HPSE2: variants seen among roughly 807,000 people sequenced by gnomAD.
The protein encoded by HPSE2 is inactive heparanase-2.
In HPSE2, 38 loss-of-function variants were observed where a neutral mutation model predicts 60.5. The ratio of observed to expected loss-of-function variants is 0.63; its 90% CI spans 0.48 to 0.82. The LOEUF (loss-of-function observed/expected upper bound fraction) is 0.82. HPSE2 is among the 40% of genes least tolerant of loss of function. HPSE2 has a pLI of 0.00. For missense variants in HPSE2, 713 were observed against 740.4 expected, an observed-to-expected ratio of 0.96 and a Z score of 0.43; for synonymous variants, 295 against 293.2, an observed-to-expected ratio of 1.01 and a Z score of -0.06.
At chr10:99,161,324 C>T (rs527317254) in intron 2 of HPSE2, among the ~76,000 whole-genome samples, 1 of 151,032 alleles carries the variant, frequency 6.6e-6, no homozygotes, top group South Asian at 2.1e-4. Flanking sequence ...AATGGATAAA[C>T]AAAATGTGGC....
intron 3 of HPSE2, among the ~76,000 whole-genome samples, chr10:99,082,815 C>G (rs1170731681): frequency 3.3e-5 from 5 of 151,978 alleles, no homozygotes; most frequent in Non-Finnish European, 2.9e-5. Context: ...TCATATTTAC[C>G]CAGACCCTAA....
At chr10:99,270,417 C>T in the HPSE2 span, among the ~76,000 whole-genome samples, 3 of 152,078 alleles carry the variant, frequency 2.0e-5, no homozygotes, top group Non-Finnish European at 2.9e-5. Flanking sequence ...TGGAAATATG[C>T]AATCCTCCTA....
chr10:98,968,715 G>C (rs1589440796), intron 3 of HPSE2, among the ~76,000 whole-genome samples: 1 of 152,106 alleles, frequency 6.6e-6, no homozygotes, highest in Non-Finnish European at 1.5e-5. Flanking sequence ...TGGAGCTGGA[G>C]GTTGTTGTTC....
At chr10:98,849,105 G>T (rs1952104815) in intron 3 of HPSE2, among the ~76,000 whole-genome samples, 1 of 151,746 alleles carries the variant, frequency 6.6e-6, no homozygotes, top group Admixed American at 6.6e-5. Flanking sequence ...TTAAAATGAA[G>T]AAACTGAAGT....
chr10:98,644,956 A>G (rs928921513), intron 6 of HPSE2, among the ~76,000 whole-genome samples: 2 of 152,172 alleles, frequency 1.3e-5, no homozygotes, highest in African/African-American at 4.8e-5. Context: ...AAACCAATAA[A>G]TAAAGTTATT....
Position 98,742,981 on chromosome 10 carries a change from T to C in HPSE2, c.784+902A>G, listed in dbSNP as rs567963402. Among the ~76,000 whole-genome samples the C allele has an allele frequency of 1.1e-3, 164 of 146,742 alleles. 3 individuals are homozygous for C. The highest frequency in any genetic ancestry group is 3.8e-3 in the African/African-American group (153 of 40,044). ...TTTTTTTCCTTTTCTTTTCTTTTTT[T>C]TTTTTTTTTTTGAGATGGAGTCTTG... On this transcript the variant is annotated intron_variant, in intron 4 of 11. Coordinates refer to ENST00000370552, the MANE Select transcript of HPSE2 (RefSeq NM_021828.5).
intron 2 of HPSE2, among the ~76,000 whole-genome samples, chr10:99,189,033 T>C (rs868616074): frequency 1.3e-4 from 20 of 152,188 alleles, no homozygotes; most frequent in African/African-American, 4.8e-4. Context: ...AACTGTGGAG[T>C]GGCTGACCCA....
chr10:98,950,737 T>C (rs1955332980), intron 3 of HPSE2, among the ~76,000 whole-genome samples: 1 of 152,182 alleles, frequency 6.6e-6, no homozygotes, highest in Non-Finnish European at 1.5e-5. Flanking sequence ...GTTCACTCAA[T>C]AAACAAATCA....
At chr10:98,948,053 G>A (rs1037409010) in intron 3 of HPSE2, among the ~76,000 whole-genome samples, 3 of 152,058 alleles carry the variant, frequency 2.0e-5, no homozygotes, top group Admixed American at 6.6e-5. Flanking sequence ...GTCATTACAC[G>A]TAATACTACA....
intron 9 of HPSE2, among the ~76,000 whole-genome samples, chr10:98,491,119 T>C (rs1941628276): frequency 6.6e-6 from 1 of 152,230 alleles, no homozygotes; most frequent in Non-Finnish European, 1.5e-5. Flanking sequence ...TCAGTGAATA[T>C]ACTATTCAGT....
rs191015005 is a variant in HPSE2, at chr10:99,135,925, C to A, written c.610+8313G>T. Among the ~76,000 whole-genome samples the A allele has an allele frequency of 2.0e-4, 31 of 151,864 alleles. No individual in the cohort carries two copies. The East Asian group carries it at 5.8e-3, about 28-fold the overall frequency. On this transcript the variant is annotated intron_variant, in intron 3 of 11. Coordinates refer to ENST00000370552, the MANE Select transcript of HPSE2 (RefSeq NM_021828.5). ...TGAGGGAGATAGAGACATGAAAAAC[C>A]CTTCAAAAAATCAATGAATCCAGGA...
intron 2 of HPSE2, among the ~76,000 whole-genome samples, chr10:99,147,316 G>A (rs1846091218): frequency 6.6e-6 from 1 of 152,090 alleles, no homozygotes; most frequent in African/African-American, 2.4e-5. Flanking sequence ...CTGTTACAAT[G>A]GTATTCCATA....
At chr10:99,176,446 A>G (rs924781912) in intron 2 of HPSE2, among the ~76,000 whole-genome samples, 1 of 152,196 alleles carries the variant, frequency 6.6e-6, no homozygotes, top group Non-Finnish European at 1.5e-5. Context: ...GTGGAGCTGA[A>G]AAACACAACA....
chr10:99,049,206 G>A (rs1226248940), intron 3 of HPSE2, among the ~76,000 whole-genome samples: 4 of 152,100 alleles, frequency 2.6e-5, no homozygotes, highest in Non-Finnish European at 4.4e-5. Flanking sequence ...AGTAAAAGTT[G>A]AAGTTAAAAG....
chr10:99,222,014 T>C (rs1849329908), intron 2 of HPSE2, among the ~76,000 whole-genome samples: 1 of 151,972 alleles, frequency 6.6e-6, no homozygotes, highest in Non-Finnish European at 1.5e-5. Flanking sequence ...AGGTGTGAGG[T>C]GATGAGTGCC....
At chr10:99,019,466 A>C (rs1957213939) in intron 3 of HPSE2, among the ~76,000 whole-genome samples, 2 of 152,134 alleles carry the variant, frequency 1.3e-5, no homozygotes. Flanking sequence ...ACTTTCTCTT[A>C]TTTCTGATTG....
chr10:98,998,090 G>T (rs1405286316), intron 3 of HPSE2, among the ~76,000 whole-genome samples: 1 of 152,212 alleles, frequency 6.6e-6, no homozygotes, highest in South Asian at 2.1e-4. Flanking sequence ...CTCCATTCCA[G>T]GTACTACACT....
At chr10:98,865,807 C>T (rs773696758) in intron 3 of HPSE2, among the ~76,000 whole-genome samples, 8 of 152,120 alleles carry the variant, frequency 5.3e-5, no homozygotes, top group Middle Eastern at 3.4e-3. Flanking sequence ...GGGCATTAGA[C>T]GGAGTACTCA....
At chr10:99,287,549 A>C in the HPSE2 span, among the ~76,000 whole-genome samples, 1 of 152,170 alleles carries the variant, frequency 6.6e-6, no homozygotes, top group East Asian at 1.9e-4. Flanking sequence ...AGACAATGTG[A>C]AGAGAATATG....
Sources: gnomAD v4.1 joint callset for allele counts (sites outside exome capture counted in the v4.1 genomes callset) on GRCh38, gnomAD v4.1.1 for gene constraint, MANE v1.5 for transcripts, NCBI Gene and HGNC (gene_info 2026-07-23, HGNC 2026-07-21) for gene names.